The following DIDO1 variants were observed in gnomAD, a reference collection of about 807,000 sequenced individuals.
DIDO1 encodes death inducer-obliterator 1, also known as death-inducer obliterator 1.
In DIDO1, 16 loss-of-function variants were observed where a neutral mutation model predicts 99.4. That is an observed-to-expected ratio of 0.16 (90% CI 0.11 to 0.24). The LOEUF is 0.24. Among genes scored for constraint, DIDO1 ranks in the 10% least tolerant of loss-of-function variants. The pLI, the probability that DIDO1 is intolerant of heterozygous loss-of-function variation, is 1.00. For synonymous variants in DIDO1, 1,366 were observed against 1,239.1 expected (o/e 1.10, Z -2.15); for missense variants, 2,996 against 3,014.0 (o/e 0.99, Z 0.14).
chr20:62,881,952 G>A lies in DIDO1; in HGVS notation c.4004C>T (p.Pro1335Leu), dbSNP rs1323251666. 1.2e-6 allele frequency: 2 copies of A among 1,613,382 alleles called. No individual in the cohort carries two copies. Among genetic ancestry groups the A allele is most frequent in the East Asian group, 2.2e-5 (1 of 44,878 alleles). ...GGGGAGACCTGCGGTGGACCCGGGAGGCTCTCTGGCGGACGGGTCGAATGA... is the reference window on the plus strand; with the variant it reads ...GGGGAGACCTGCGGTGGACCCGGGAAGCTCTCTGGCGGACGGGTCGAATGA... ...KKSFDPSARE[P>L]PGSTAGLPQE... Residue 1335 changes from proline (P) to leucine (L), a missense_variant, in exon 16 of 16, where the codon CCT (proline) becomes CTT (leucine). Around this residue, in one of 5 missense-constraint regions of DIDO1, gnomAD observed 1,562 missense variants for 1,412.6 expected, o/e 1.11. Coordinates refer to ENST00000395343, the MANE Select transcript of DIDO1 (RefSeq NM_001193369.2). This position sits in a 1 kb window ranked among gnomAD's most constrained non-coding sequence, Gnocchi z 8.3.
chr20:62,910,596 T>C (rs1161736582), intron 3 of DIDO1, among the ~76,000 whole-genome samples, 178 bp downstream of exon 3: 2 of 152,156 alleles, frequency 1.3e-5, no homozygotes, highest in Non-Finnish European at 1.5e-5. Flanking sequence ...GCTACCAGAG[T>C]GGAGAGGTGG....
chr20:62,893,752 A>G lies in DIDO1; in HGVS notation c.3015T>C (p.Ser1005=). 1 of 1,614,256 alleles carries G rather than the reference A, an allele frequency of 6.2e-7. No individual in the cohort carries two copies. Among genetic ancestry groups the G allele is most frequent in the South Asian group, 1.1e-5 (1 of 91,090 alleles). The stretch of plus-strand genomic sequence containing the variant: ...CTAGTATGGACTTGGGCACCATCAC[A>G]GAAGTCAAGACAGGCTTCGGCACAT... ...RQDVPKPVLT[S]VMVPKSILAK... The change falls in exon 12 of 16, where the codon TCT becomes TCC. Residue 1005 remains serine, a synonymous_variant. Transcript: ENST00000395343.
intron 15 of DIDO1, chr20:62,888,431 G>T (rs146228116): frequency 0.015 from 14,448 of 985,570 alleles, 117 homozygotes; most frequent in Non-Finnish European, 0.016. Flanking sequence ...GTGCCGCAGA[G>T]AACTGAGGCT....
Position 62,911,664 on chromosome 20 carries a change from G to T in DIDO1, c.-2-50C>A. ...GTGACCAACTGACCACAGAACAAAAGGTGACATTGCCGCCAAACACGCGCA... is the reference window on the plus strand; with the variant it reads ...GTGACCAACTGACCACAGAACAAAATGTGACATTGCCGCCAAACACGCGCA... On this transcript the variant is annotated intron_variant, in intron 2 of 15. Transcript: ENST00000395343. This position sits in a 1 kb window ranked among gnomAD's most constrained non-coding sequence, Gnocchi z 7.0. 6.8e-7 allele frequency: 1 copy of T among 1,480,164 alleles called. No homozygotes were observed. The highest frequency in any genetic ancestry group is 9.0e-7 in the Non-Finnish European group (1 of 1,110,540). 91.7% of individuals were successfully genotyped at this position (1,480,164 alleles called of 1,614,324 possible).
At chr20:62,892,762 C>G in intron 13 of DIDO1, 47 bp downstream of exon 13, 1 of 1,567,784 alleles carries the variant, frequency 6.4e-7, no homozygotes, top group Non-Finnish European at 8.7e-7. Context: ...AGTTTAGAAA[C>G]TCCTATGAAA....
At chr20:62,895,683 C>T (rs111415390) in intron 8 of DIDO1, among the ~76,000 whole-genome samples, 2 of 152,212 alleles carry the variant, frequency 1.3e-5, no homozygotes, top group South Asian at 2.1e-4. Context: ...GTCAGCCCGG[C>T]GGCCTATCCC....
chr20:62,922,834 A>T (rs1199408339), intron 1 of DIDO1, among the ~76,000 whole-genome samples: 5 of 152,240 alleles, frequency 3.3e-5, no homozygotes, highest in Non-Finnish European at 5.9e-5. Context: ...AGCGGGTGAC[A>T]TACTGTTCTC....
intron 1 of DIDO1, among the ~76,000 whole-genome samples, chr20:62,917,155 GT>G (rs1320088726): frequency 6.6e-6 from 1 of 152,054 alleles, no homozygotes; most frequent in Non-Finnish European, 1.5e-5. Context: ...ACCCTCCCCA[GT>G]AGCTGGGACT....
intron 4 of DIDO1, among the ~76,000 whole-genome samples, 169 bp from the exon 5 acceptor site, chr20:62,907,528 G>T (rs1376592804): frequency 6.6e-6 from 1 of 152,226 alleles, no homozygotes; most frequent in East Asian, 1.9e-4. Context: ...CTATGAAAAA[G>T]CCAGGTAAGG....
At chr20:62,927,142 A>G (rs774032107), upstream of DIDO1, among the ~76,000 whole-genome samples, 31 of 152,134 alleles carry the variant, frequency 2.0e-4, no homozygotes, top group Non-Finnish European at 4.1e-4. Context: ...CACAGCGAGG[A>G]AGGGAGGCGG....
intron 4 of DIDO1, among the ~76,000 whole-genome samples, chr20:62,908,740 T>C (rs895980390): frequency 3.3e-5 from 5 of 152,136 alleles, no homozygotes; most frequent in Admixed American, 2.0e-4. Context: ...GTGCTTGTAG[T>C]CCCAGCTACT....
chr20:62,895,249 G>C, intron 8 of DIDO1, 84 bp from the exon 9 acceptor site: 2 of 1,283,304 alleles, frequency 1.6e-6, no homozygotes, highest in East Asian at 2.3e-5. Context: ...CAGCTGCCCA[G>C]AAGTTTAGCG....
Position 62,879,237 on chromosome 20 carries a change from G to A in DIDO1, c.6719C>T (p.Ala2240Val), listed in dbSNP as rs559747927. ...RASDAGTASQ[A>V] ...GTCTCTGCCCGGCCGGGGCGTCTAG[G>A]CCTGCGAGGCGGTGCCAGCGTCGGA... The change falls in exon 16 of 16, where the codon GCC becomes GTC. Residue 2240 changes from alanine to valine, a missense_variant. Physicochemically the swap from Ala to Val is moderately conservative, Grantham distance 64. This residue lies in a region of DIDO1 where 1,562 missense variants were observed against 1,412.6 expected (regional missense o/e 1.11). Transcript: ENST00000395343. The surrounding 1 kb of genome is among the most constrained non-coding windows in gnomAD (Gnocchi z 6.3). 21 of 1,521,098 alleles carry A rather than the reference G, an allele frequency of 1.4e-5. No homozygotes were observed. The South Asian group carries it at 2.5e-4, about 18-fold the overall frequency. 94.2% of individuals were successfully genotyped at this position (1,521,098 alleles called of 1,614,324 possible).
At position 62,907,559 on chromosome 20, in the gene DIDO1, G is replaced by A. The variant is rs547726832; in HGVS notation, c.1162-200C>T. On this transcript the variant is annotated intron_variant, in intron 4 of 15. Coordinates refer to ENST00000395343, the MANE Select transcript of DIDO1 (RefSeq NM_001193369.2). ...TAAGGCATTCACACTGTCACTGCCC[G>A]TCATGCCCTGCAGGGGGCAGGAGTG... is the stretch of plus-strand genomic sequence containing the variant. Among the ~76,000 whole-genome samples, 9 of 152,348 alleles carry A rather than the reference G, an allele frequency of 5.9e-5. No homozygotes were observed. The South Asian group carries it at 6.2e-4, about 11-fold the overall frequency.
At chr20:62,902,697 T>C (rs1460290171) in intron 6 of DIDO1, among the ~76,000 whole-genome samples, 1 of 152,232 alleles carries the variant, frequency 6.6e-6, no homozygotes, top group Non-Finnish European at 1.5e-5. Context: ...GGGCCATCTC[T>C]GTGGCAGCAC....
In DIDO1 at chr20:62,879,016, A is replaced by T; in HGVS notation, c.*217T>A. ...CCGTAGGCAATTTCCCATTTCTTTT[A>T]ATTTTAAATGGAAATATTAAAGTTT... On this transcript the variant is annotated 3_prime_UTR_variant, in exon 16 of 16. Transcript: ENST00000395343. The surrounding 1 kb of genome is among the most constrained non-coding windows in gnomAD (Gnocchi z 6.3). The T allele has an allele frequency of 2.2e-6, 1 of 461,904 alleles. No individual in the cohort carries two copies. Among genetic ancestry groups the T allele is most frequent in the Non-Finnish European group, 3.7e-6 (1 of 271,508 alleles). 28.6% of individuals were successfully genotyped at this position (461,904 alleles called of 1,614,324 possible). A position where few individuals can be genotyped will look rare whatever the true frequency, so the allele number is the denominator to read the frequency against.
At chr20:62,927,744 A>G (rs188277587), upstream of DIDO1, among the ~76,000 whole-genome samples, 2 of 152,320 alleles carry the variant, frequency 1.3e-5, no homozygotes, top group East Asian at 3.9e-4. Flanking sequence ...ACCGCTGAAG[A>G]TTACAGGGTC....
chr20:62,909,627 T>A (rs539090546), intron 4 of DIDO1, 72 bp downstream of exon 4: 233 of 1,566,050 alleles, frequency 1.5e-4, no homozygotes, highest in Non-Finnish European at 1.8e-4. Context: ...CTGGGAGGAA[T>A]TTCTATCTAG....
rs1358201691 is a variant in DIDO1 at position 62,880,747 on chromosome 20, G to A, written c.5209C>T (p.Pro1737Ser). The change falls in exon 16 of 16, where the codon CCC (proline) becomes TCC (serine). Residue 1737 changes from proline (P) to serine (S), a missense_variant. Transcript: ENST00000395343. ...ARPGEGTAPLPPPGQKVGGSQ... is the reference protein window; with the variant it reads ...ARPGEGTAPLSPPGQKVGGSQ... Reference sequence around the variant, plus strand: ...CCCCCCACTTTCTGTCCTGGTGGGGGGAGCGGGGCGGTGCCCTCGCCGGGT... The same window carrying A: ...CCCCCCACTTTCTGTCCTGGTGGGGAGAGCGGGGCGGTGCCCTCGCCGGGT... 1.9e-6 allele frequency: 3 copies of A among 1,612,710 alleles called. No individual in the cohort carries two copies. The highest frequency in any genetic ancestry group is 2.2e-5 in the East Asian group (1 of 44,870).
Sources: allele counts gnomAD v4.1 joint callset (sites outside exome capture counted in the v4.1 genomes callset), GRCh38; gene constraint gnomAD v4.1.1; regional missense constraint gnomAD v4.1.1; non-coding constraint Gnocchi (gnomAD v3.1); transcripts MANE v1.5; gene names NCBI Gene and HGNC (gene_info 2026-07-23, HGNC 2026-07-21).